DIS3L2: variants seen among roughly 807,000 people sequenced by gnomAD.
DIS3L2 encodes DIS3-like exonuclease 2.
In DIS3L2, 34 loss-of-function variants were observed where a neutral mutation model predicts 97.5. The ratio of observed to expected loss-of-function variants is 0.35; its 90% CI spans 0.27 to 0.46. The LOEUF (loss-of-function observed/expected upper bound fraction) is 0.46. Among genes scored for constraint, DIS3L2 ranks in the 20% least tolerant of loss-of-function variants. The pLI is 1.00. For missense variants in DIS3L2, 1,038 were observed against 1,146.0 expected (o/e 0.91, Z 1.36); for synonymous variants, 435 against 445.2 (o/e 0.98, Z 0.29).
At chr2:232,025,475 A>G (rs1447524864) in intron 4 of DIS3L2, among the ~76,000 whole-genome samples, 1 of 152,170 alleles carries the variant, frequency 6.6e-6, no homozygotes, top group Non-Finnish European at 1.5e-5. Flanking sequence ...ATTGCATCCA[A>G]GTTCGAGTCT....
intron 9 of DIS3L2, among the ~76,000 whole-genome samples, chr2:232,177,090 A>G (rs1273647432): frequency 6.8e-6 from 1 of 147,880 alleles, no homozygotes; most frequent in Non-Finnish European, 1.5e-5. Context: ...TTTACTGAGA[A>G]TGATGGTTTC....
At chr2:232,282,232 C>T (rs933543876) in intron 13 of DIS3L2, among the ~76,000 whole-genome samples, 1 of 148,322 alleles carries the variant, frequency 6.7e-6, no homozygotes, top group Non-Finnish European at 1.5e-5. Flanking sequence ...TATTCTGTAA[C>T]TTCAAAGGAG....
intron 12 of DIS3L2, among the ~76,000 whole-genome samples, chr2:232,260,856 C>G (rs1041611489): frequency 6.6e-6 from 1 of 152,124 alleles, no homozygotes; most frequent in Admixed American, 6.5e-5. Flanking sequence ...GGGCTGGGCT[C>G]AGTCCTTCCC....
intron 14 of DIS3L2, among the ~76,000 whole-genome samples, chr2:232,312,490 C>T (rs1319669258): frequency 6.6e-6 from 1 of 152,202 alleles, no homozygotes; most frequent in Non-Finnish European, 1.5e-5. Flanking sequence ...ACCACACTAC[C>T]TTCATGTTTG....
At chr2:232,089,757 C>T (rs931997610) in intron 6 of DIS3L2, among the ~76,000 whole-genome samples, 4 of 152,188 alleles carry the variant, frequency 2.6e-5, no homozygotes, top group Non-Finnish European at 5.9e-5. Context: ...ACACATTGAT[C>T]TCTCATTAGT....
chr2:232,337,914 A>G (rs1042576596), downstream of DIS3L2, among the ~76,000 whole-genome samples: 11 of 150,720 alleles, frequency 7.3e-5, no homozygotes, highest in African/African-American at 2.7e-4. Context: ...TCCCTCCTCC[A>G]GGGCTCAGCC....
intron 5 of DIS3L2, among the ~76,000 whole-genome samples, chr2:232,070,091 A>G (rs1385428342): frequency 1.3e-5 from 2 of 152,234 alleles, no homozygotes; most frequent in Non-Finnish European, 2.9e-5. Context: ...ATCTATATAC[A>G]TGTATATATG....
chr2:232,025,338 A>G (rs978080168), intron 4 of DIS3L2, among the ~76,000 whole-genome samples: 1 of 152,110 alleles, frequency 6.6e-6, no homozygotes, highest in African/African-American at 2.4e-5. Context: ...AAAGAGTTTT[A>G]TATTTTGGAA....
At chr2:232,015,487 G>C in intron 2 of DIS3L2, 27 bp from the exon 3 acceptor site, 1 of 1,606,140 alleles carries the variant, frequency 6.2e-7, no homozygotes, top group Non-Finnish European at 8.5e-7. Context: ...TTTGAGGAAA[G>C]AGTTGATTGC....
intron 13 of DIS3L2, among the ~76,000 whole-genome samples, chr2:232,286,365 T>C (rs1356795189): frequency 3.9e-5 from 6 of 152,020 alleles, no homozygotes; most frequent in East Asian, 3.9e-4. Flanking sequence ...CAGCAAGGCT[T>C]TGAAGCATTG....
At chr2:232,314,401 G>A (rs1272413680) in intron 14 of DIS3L2, among the ~76,000 whole-genome samples, 2 of 152,204 alleles carry the variant, frequency 1.3e-5, no homozygotes, top group Non-Finnish European at 2.9e-5. Flanking sequence ...GAATGAAGAG[G>A]ACAGAGAGGG....
intron 14 of DIS3L2, among the ~76,000 whole-genome samples, chr2:232,318,138 G>C (rs888639654): frequency 1.3e-5 from 2 of 152,242 alleles, no homozygotes; most frequent in African/African-American, 2.4e-5. Context: ...ACAGAGGCCA[G>C]AGGCCAGAGG....
At chr2:232,174,479 A>G (rs1691088680) in intron 9 of DIS3L2, among the ~76,000 whole-genome samples, 1 of 150,828 alleles carries the variant, frequency 6.6e-6, no homozygotes, top group South Asian at 2.1e-4. Flanking sequence ...CCAGCTACTC[A>G]GGAGGCTGAG....
Position 232,163,584 on chromosome 2 carries a change from T to G in DIS3L2, c.1076T>G (p.Leu359Arg). ...GTTCTAGAATGTCTTCCTCAAGGCC[T>G]GCCATGGACAATTCCACCAGAGGAG... ...SEVLECLPQG[L>R]PWTIPPEEFS... is the part of the protein sequence containing the mutation. Residue 359 changes from leucine (L) to arginine (R), a missense_variant, in exon 9 of 21, where the codon CTG becomes CGG. By Grantham distance (102) the Leu-to-Arg change is moderately radical. Around this residue, in one of 3 missense-constraint regions of DIS3L2, gnomAD observed 813 missense variants for 880.1 expected, o/e 0.92. Transcript: ENST00000325385. 6.2e-7 allele frequency: 1 copy of G among 1,614,082 alleles called. No homozygotes were observed. Among genetic ancestry groups the G allele is most frequent in the Non-Finnish European group, 8.5e-7 (1 of 1,180,014 alleles).
intron 9 of DIS3L2, among the ~76,000 whole-genome samples, chr2:232,173,387 C>T (rs1429505754): frequency 6.6e-6 from 1 of 152,030 alleles, no homozygotes; most frequent in Non-Finnish European, 1.5e-5. Context: ...CCCATCACCA[C>T]ACCCTGCCAA....
chr2:232,206,300 A>C (rs1692024112), intron 9 of DIS3L2, among the ~76,000 whole-genome samples: 2 of 152,208 alleles, frequency 1.3e-5, no homozygotes, highest in South Asian at 4.1e-4. Context: ...AAAAAAATTA[A>C]AACACTTAAT....
At chr2:232,004,621 C>T (rs1397738681) in intron 1 of DIS3L2, among the ~76,000 whole-genome samples, 2 of 150,694 alleles carry the variant, frequency 1.3e-5, no homozygotes, top group Admixed American at 6.6e-5. Context: ...CACTCTGTTG[C>T]CCGGGCAGGA....
intron 10 of DIS3L2, among the ~76,000 whole-genome samples, chr2:232,212,025 C>A (rs1410260371): frequency 1.3e-5 from 2 of 152,032 alleles, no homozygotes; most frequent in African/African-American, 4.8e-5. Flanking sequence ...TGCTGAGCCT[C>A]AATATTTTCA....
intron 6 of DIS3L2, among the ~76,000 whole-genome samples, chr2:232,090,505 T>C (rs2106312996): frequency 6.6e-6 from 1 of 152,320 alleles, no homozygotes; most frequent in Non-Finnish European, 1.5e-5. Context: ...TGCAATTTGC[T>C]CTTTTGAAAA....
Sources: allele counts gnomAD v4.1 joint callset (sites outside exome capture counted in the v4.1 genomes callset), GRCh38; gene constraint gnomAD v4.1.1; regional missense constraint gnomAD v4.1.1; transcripts MANE v1.5; gene names NCBI Gene and HGNC (gene_info 2026-07-23, HGNC 2026-07-21).